The following CARD14 variants were observed in gnomAD, a reference collection of about 807,000 sequenced individuals.
CARD14 encodes the protein caspase recruitment domain family member 14.
CARD14 carries 107 observed loss-of-function variants against 111.5 expected under a neutral mutation model. That is an observed-to-expected ratio of 0.96 (90% CI 0.82 to 1.13). The LOEUF (loss-of-function observed/expected upper bound fraction) is 1.13, where lower values mean the gene tolerates loss of function less well. Among genes scored for constraint, CARD14 ranks in the 50% most tolerant of loss-of-function variants. The pLI is 0.00. For synonymous variants in CARD14, 617 were observed against 579.6 expected, an observed-to-expected ratio of 1.06 and a Z score of -0.93; for missense variants, 1,322 against 1,362.3, an observed-to-expected ratio of 0.97 and a Z score of 0.47.
intron 7 of CARD14, among the ~76,000 whole-genome samples, chr17:80,185,628 G>T (rs1336552494): frequency 6.6e-6 from 1 of 152,048 alleles, no homozygotes; most frequent in Non-Finnish European, 1.5e-5. Flanking sequence ...CCTGTGTTCT[G>T]GTTTTCTCAT....
rs767195507 is a variant in CARD14, at chr17:80,190,883, A to C, written c.1073A>C (p.Gln358Pro). Residue 358 changes from glutamine to proline, a missense_variant, in exon 10 of 24, where the codon CAG becomes CCG. Gln to Pro is a moderately conservative substitution (Grantham distance 76). Transcript: ENST00000648509. The stretch of plus-strand genomic sequence containing the variant: ...CTGCAGGCCCAGGTGTGCGAGCTGC[A>C]GAAGGAGCGAGACCAGGTACCTGAG... ...NALQAQVCEL[Q>P]KERDQAYSAR... 1.2e-6 allele frequency: 2 copies of C among 1,612,562 alleles called. No homozygotes were observed. The highest frequency in any genetic ancestry group is 1.3e-5 in the African/African-American group (1 of 74,796).
At position 80,184,060 on chromosome 17, in the gene CARD14, G is replaced by C. The variant is rs1005134219; in HGVS notation, c.497G>C (p.Arg166Pro). 3 of 1,586,190 alleles carry C rather than the reference G, an allele frequency of 1.9e-6. No individual in the cohort carries two copies. The highest frequency in any genetic ancestry group is 2.7e-5 in the African/African-American group (2 of 74,538). ...GAGCACCTGGGCCTGGCCGAGACCC[G>C]TGCCGAGGGCCTGCACCAGCTGGAG... ...LQEHLGLAET[R>P]AEGLHQLEAD... The change falls in exon 7 of 24, where the codon CGT becomes CCT. Residue 166 changes from arginine (R) to proline (P), a missense_variant. Arg to Pro is a moderately radical substitution (Grantham distance 103). Coordinates refer to ENST00000648509, the MANE Select transcript of CARD14 (RefSeq NM_001366385.1).
intron 2 of CARD14, among the ~76,000 whole-genome samples, chr17:80,175,785 T>C (rs1338719307): frequency 6.6e-6 from 1 of 151,664 alleles, no homozygotes; most frequent in South Asian, 2.1e-4. Flanking sequence ...GAAAGGAAAG[T>C]GGGTGCCGGT....
chr17:80,178,217 G>A (rs934973127), intron 2 of CARD14, among the ~76,000 whole-genome samples: 2 of 152,188 alleles, frequency 1.3e-5, no homozygotes, highest in South Asian at 2.1e-4. Flanking sequence ...GTGGGGAGCC[G>A]CAGACAGGCC....
At position 80,205,118 on chromosome 17, in the gene CARD14, C is replaced by T. The variant is rs1022967956; in HGVS notation, c.2482C>T (p.Arg828Trp). 28 of 1,613,540 alleles carry T rather than the reference C, an allele frequency of 1.7e-5. No homozygotes were observed. Among genetic ancestry groups the T allele is most frequent in the Non-Finnish European group, 2.2e-5 (26 of 1,179,942 alleles). The change falls in exon 21 of 24, where the codon CGG (arginine) becomes TGG (tryptophan). Residue 828 changes from arginine to tryptophan, a missense_variant. Transcript: ENST00000648509. ...GCGGCCCCATCGACCCGCCCGGCCC[C>T]GGCCTGTGCTCCTCGTGCCCAGGGC... is the stretch of plus-strand genomic sequence containing the variant. Reference protein sequence around the residue: ...LVRPHRPARPRPVLLVPRAVG... With the variant: ...LVRPHRPARPWPVLLVPRAVG...
chr17:80,188,317 G>A lies in CARD14; in HGVS notation c.676-60G>A, dbSNP rs2040410030. 6.5e-7 allele frequency: 1 copy of A among 1,527,550 alleles called. No individual in the cohort carries two copies. Among genetic ancestry groups the A allele is most frequent in the Non-Finnish European group, 8.8e-7 (1 of 1,132,006 alleles). 94.6% of individuals were successfully genotyped at this position (1,527,550 alleles called of 1,614,324 possible). A position where few individuals can be genotyped will look rare whatever the true frequency, so the allele number is the denominator to read the frequency against. ...GGAGGAAGGGTGAGAAATGCCCCCA[G>A]CTCCTGATCAGGGGAGAAGCTGTTT... On this transcript the variant is annotated intron_variant, in intron 7 of 23. Transcript: ENST00000648509. The surrounding 1 kb of genome is among the most constrained non-coding windows in gnomAD (Gnocchi z 4.5).
chr17:80,191,828 C>T (rs1049271626), intron 11 of CARD14, among the ~76,000 whole-genome samples: 1 of 151,764 alleles, frequency 6.6e-6, no homozygotes, highest in African/African-American at 2.4e-5. Flanking sequence ...AGTGTAGATG[C>T]TGTGTTCCTG....
At chr17:80,207,177 G>T (rs971263497) in intron 23 of CARD14, 92 bp downstream of exon 23, 2 of 854,096 alleles carry the variant, frequency 2.3e-6, no homozygotes, top group East Asian at 5.4e-5. Flanking sequence ...TGTGCTCTGC[G>T]GTTTGCAGGA....
rs57097861 is a variant in CARD14, at chr17:80,180,742, ATTTGTTTG to A, written c.-20-659_-20-652del. On this transcript the variant is annotated intron_variant, in intron 4 of 23. Coordinates refer to ENST00000648509, the MANE Select transcript of CARD14 (RefSeq NM_001366385.1). ...TCCAAAGTGCAGCACCCCTACTGTT[ATTTGTTTG>A]TTTGTTTGTTTGTTTGTGTGTTTGT... Among the ~76,000 whole-genome samples, 529 of 145,438 alleles carry A rather than the reference ATTTGTTTG, an allele frequency of 3.6e-3. 2 individuals carry two copies. Among genetic ancestry groups the A allele is most frequent in the Non-Finnish European group, 5.8e-3 (381 of 65,414 alleles).
chr17:80,181,740 C>CACTTTATAA (rs2144152813), intron 5 of CARD14, 91 bp downstream of exon 5: 1 of 1,175,836 alleles, frequency 8.5e-7, no homozygotes. Context: ...GGTCTCTTCT[C>CACTTTATAA]GTCCTGTCTC....
intron 20 of CARD14, chr17:80,204,681 T>C (rs2041183452): frequency 2.6e-6 from 1 of 379,698 alleles, no homozygotes; most frequent in Non-Finnish European, 4.7e-6. Flanking sequence ...GCTAGGACCC[T>C]GTGCCCTGGA....
intron 11 of CARD14, 127 bp from the exon 12 acceptor site, chr17:80,192,376 C>T: frequency 1.5e-6 from 1 of 655,994 alleles, no homozygotes; most frequent in Admixed American, 2.5e-5. Context: ...ATTGTTTTCC[C>T]TGGAAGCTGA....
intron 12 of CARD14, among the ~76,000 whole-genome samples, chr17:80,193,829 T>G (rs1005576241): frequency 6.6e-6 from 1 of 152,096 alleles, no homozygotes; most frequent in African/African-American, 2.4e-5. Flanking sequence ...AACCTTCAAC[T>G]GAATCGACTC....
chr17:80,198,688 T>C lies in CARD14; in HGVS notation c.1851+97T>C, dbSNP rs757172306. On this transcript the variant is annotated intron_variant, in intron 16 of 23. Transcript: ENST00000648509. The surrounding 1 kb of genome is among the most constrained non-coding windows in gnomAD (Gnocchi z 7.5). ...GGCAGACTTCACCTCCCCCAGACGA[T>C]GCAGATCCACTCTGGGCTGGGCCTC... 1.1e-5 allele frequency: 17 copies of C among 1,604,582 alleles called. No individual in the cohort carries two copies. Among genetic ancestry groups the C allele is most frequent in the East Asian group, 4.5e-5 (2 of 44,812 alleles).
intron 1 of CARD14, 95 bp downstream of exon 1, chr17:80,170,151 G>A (rs921692716): frequency 1.3e-5 from 2 of 151,428 alleles, no homozygotes; most frequent in African/African-American, 2.4e-5. Context: ...GATGGGGCCC[G>A]AGAGTGGTCC....
chr17:80,202,149 C>G, intron 17 of CARD14, 31 bp from the exon 18 acceptor site: 1 of 1,573,270 alleles, frequency 6.4e-7, no homozygotes, highest in Non-Finnish European at 8.7e-7. Context: ...GTATCTGTGG[C>G]TCATCTGTGG....
intron 21 of CARD14, 39 bp downstream of exon 21, chr17:80,205,244 T>TTCCC (rs1432629128): frequency 1.3e-6 from 2 of 1,541,638 alleles, no homozygotes; most frequent in East Asian, 4.6e-5. Flanking sequence ...CCCTTCCACC[T>TTCCC]TCCCTCCCTC....
Position 80,198,966 on chromosome 17 carries a change from T to C in CARD14, c.1851+375T>C, listed in dbSNP as rs2040830177. 1.9e-6 allele frequency: 2 copies of C among 1,060,728 alleles called. No individual in the cohort carries two copies. The highest frequency in any genetic ancestry group is 2.3e-6 in the Non-Finnish European group (2 of 869,422). The allele number at this position is 1,060,728 out of a possible 1,614,324, so 65.7% of individuals were successfully genotyped here. A position where few individuals can be genotyped will look rare whatever the true frequency, so the allele number is the denominator to read the frequency against. ...CTTTCTTTTTTTTTGTTTGTTGTTT[T>C]GAAACAGGGTCTCACTCTGTCACCC... On this transcript the variant is annotated intron_variant, in intron 16 of 23. Transcript: ENST00000648509. The surrounding 1 kb of genome is among the most constrained non-coding windows in gnomAD (Gnocchi z 7.5).
Position 80,203,755 on chromosome 17 carries a change from C to T in CARD14, c.2220-67C>T, listed in dbSNP as rs1376789191. On this transcript the variant is annotated intron_variant, in intron 18 of 23. Coordinates refer to ENST00000648509, the MANE Select transcript of CARD14 (RefSeq NM_001366385.1). The surrounding 1 kb of genome is among the most constrained non-coding windows in gnomAD (Gnocchi z 4.6). ...GCCATCTCCCCCACTCTCCCCTGCT[C>T]GGCTCTCCCCTGCCCTGCTCACCTG... The T allele has an allele frequency of 2.1e-5, 27 of 1,290,714 alleles. No individual in the cohort carries two copies. Among genetic ancestry groups the T allele is most frequent in the South Asian group, 7.8e-5 (6 of 76,858 alleles). The allele number at this position is 1,290,714 out of a possible 1,614,324, so 80.0% of individuals were successfully genotyped here.
Sources: allele counts gnomAD v4.1 joint callset (sites outside exome capture counted in the v4.1 genomes callset), GRCh38; gene constraint gnomAD v4.1.1; non-coding constraint Gnocchi (gnomAD v3.1); transcripts MANE v1.5; gene names NCBI Gene and HGNC (gene_info 2026-07-23, HGNC 2026-07-21).